PCDH11X: variants seen among roughly 807,000 people sequenced by gnomAD.
The protein encoded by PCDH11X is protocadherin-11 X-linked.
In PCDH11X, 18 loss-of-function variants were observed where a neutral mutation model predicts 53.3. That is an observed-to-expected ratio of 0.34 (90% CI 0.23 to 0.50). PCDH11X has a LOEUF of 0.50. Among genes scored for constraint, PCDH11X ranks in the 20% least tolerant of loss-of-function variants. PCDH11X has a pLI of 0.98. For synonymous variants in PCDH11X, 279 were observed against 393.3 expected (o/e 0.71, Z 3.44); for missense variants, 570 against 1,032.4 (o/e 0.55, Z 6.14).
chrX:92,436,973 T>TA (rs71815223), intron 9 of PCDH11X, among the ~76,000 whole-genome samples: 45 of 84,631 alleles, frequency 5.3e-4, no homozygotes, highest in South Asian at 1.8e-3. Flanking sequence ...AAATAAAAGG[T>TA]AAAAAAAAAA....
intron 6 of PCDH11X, among the ~76,000 whole-genome samples, chrX:91,946,840 G>A (rs1347278054): frequency 2.0e-5 from 2 of 100,442 alleles, no homozygotes; most frequent in African/African-American, 3.6e-5. Context: ...CATGCTTGCA[G>A]GTGTTCAAAT....
At chrX:91,863,388 A>G (rs1938794274) in intron 5 of PCDH11X, among the ~76,000 whole-genome samples, 1 of 111,283 alleles carries the variant, frequency 9.0e-6, no homozygotes, top group South Asian at 3.7e-4. Flanking sequence ...TTGTCTTGAA[A>G]TTTACTCTGT....
chrX:92,473,862 T>TAACA (rs1157814852), intron 10 of PCDH11X, among the ~76,000 whole-genome samples: 2 of 111,883 alleles, frequency 1.8e-5, no homozygotes, highest in Non-Finnish European at 3.8e-5. Context: ...TTTTTTGAAC[T>TAACA]AACATATGAC....
intron 10 of PCDH11X, among the ~76,000 whole-genome samples, chrX:92,500,646 T>A (rs1169830519): frequency 9.3e-6 from 1 of 107,720 alleles, no homozygotes. Flanking sequence ...TGAAATTAAG[T>A]CAGAAATCAA....
At chrX:92,113,905 T>C in intron 6 of PCDH11X, 1 of 1,201,849 alleles carries the variant, frequency 8.3e-7, no homozygotes, top group Non-Finnish European at 1.1e-6. Flanking sequence ...GCTTAACATT[T>C]CGTCAGCTTC....
chrX:91,963,295 C>T (rs928449221), intron 6 of PCDH11X, among the ~76,000 whole-genome samples: 2 of 111,209 alleles, frequency 1.8e-5, no homozygotes, highest in African/African-American at 6.6e-5. Context: ...ACCCACATCA[C>T]CTCTTGAATG....
At chrX:92,050,763 T>C (rs1300814718) in intron 6 of PCDH11X, among the ~76,000 whole-genome samples, 3 of 110,033 alleles carry the variant, frequency 2.7e-5, no homozygotes, top group African/African-American at 9.9e-5. Flanking sequence ...GAATAATACA[T>C]ATTTTTAATA....
chrX:92,466,416 A>G (rs2073158394), intron 9 of PCDH11X, among the ~76,000 whole-genome samples: 1 of 108,672 alleles, frequency 9.2e-6, no homozygotes, highest in Non-Finnish European at 1.9e-5. Context: ...CCTAATAATT[A>G]TAATGAATGC....
intron 6 of PCDH11X, among the ~76,000 whole-genome samples, chrX:91,976,478 A>G (rs752104769): frequency 1.8e-5 from 2 of 111,973 alleles, no homozygotes; most frequent in Admixed American, 1.9e-4. Context: ...ATTGAATGAT[A>G]GACTTTTTGT....
chrX:92,575,978 GTATATATATATATA>G (rs1173562560), intron 10 of PCDH11X, among the ~76,000 whole-genome samples: 12 of 18,440 alleles, frequency 6.5e-4, no homozygotes, highest in Middle Eastern at 0.053. Context: ...CACCTGGGGT[GTATATATATATATA>G]TATATATATA....
rs1382189463 is a variant in PCDH11X, at chrX:92,585,744, C to T, written c.3368-32520C>T. Among the ~76,000 whole-genome samples the T allele has an allele frequency of 2.4e-4, 27 of 110,768 alleles. 1 individual carries two copies. The highest frequency in any genetic ancestry group is 5.1e-4 in the Non-Finnish European group (27 of 52,990). ...GAACATTTTGCATCAAATGTGATAT[C>T]AAAGTTGAGTGCATTATTTCAATAA... On this transcript the variant is annotated intron_variant, in intron 10 of 10. Transcript: ENST00000682573.
intron 10 of PCDH11X, among the ~76,000 whole-genome samples, chrX:92,469,936 G>T (rs1168724784): frequency 9.3e-6 from 1 of 107,195 alleles, no homozygotes; most frequent in Non-Finnish European, 1.9e-5. Context: ...TTCAATTAAT[G>T]TGAAGAATGT....
At chrX:92,122,396 CATGA>C (rs1001611189) in intron 6 of PCDH11X, among the ~76,000 whole-genome samples, 11 of 111,462 alleles carry the variant, frequency 9.9e-5, no homozygotes, top group Non-Finnish European at 1.9e-4. Context: ...ATTATTGAGC[CATGA>C]ACTGGTTGGT....
intron 6 of PCDH11X, among the ~76,000 whole-genome samples, chrX:91,886,393 A>G (rs969901511): frequency 2.6e-4 from 29 of 110,895 alleles, no homozygotes; most frequent in Non-Finnish European, 5.1e-4. Flanking sequence ...GCTACAGTGT[A>G]CTGTATACTT....
At chrX:92,307,835 T>C (rs2068864577) in intron 8 of PCDH11X, among the ~76,000 whole-genome samples, 1 of 107,953 alleles carries the variant, frequency 9.3e-6, no homozygotes, top group East Asian at 2.9e-4. Context: ...GACATAAAAT[T>C]AACATAATTA....
intron 10 of PCDH11X, among the ~76,000 whole-genome samples, chrX:92,560,874 A>G (rs2075121501): frequency 9.2e-6 from 1 of 109,223 alleles, no homozygotes; most frequent in African/African-American, 3.4e-5. Context: ...CCTTAAGAAA[A>G]GCGTCTTGGG....
chrX:92,246,655 A>G (rs2067358064), intron 7 of PCDH11X, among the ~76,000 whole-genome samples: 1 of 111,825 alleles, frequency 8.9e-6, no homozygotes, highest in Non-Finnish European at 1.9e-5. Context: ...CCGACCTGAA[A>G]AGAGTTTTAC....
At chrX:92,359,152 T>A (rs1447806645) in intron 8 of PCDH11X, among the ~76,000 whole-genome samples, 1 of 105,697 alleles carries the variant, frequency 9.5e-6, no homozygotes, top group Non-Finnish European at 2.0e-5. Flanking sequence ...TTCAACTTGA[T>A]TAATTTGGGG....
At chrX:92,493,687 C>T (rs1482406957) in intron 10 of PCDH11X, among the ~76,000 whole-genome samples, 34 of 99,894 alleles carry the variant, frequency 3.4e-4, no homozygotes, top group African/African-American at 1.3e-3. Flanking sequence ...CACTCTGTCA[C>T]CCAGGCTGGA....
Sources: allele counts gnomAD v4.1 joint callset (sites outside exome capture counted in the v4.1 genomes callset), GRCh38; gene constraint gnomAD v4.1.1; transcripts MANE v1.5; gene names NCBI Gene and HGNC (gene_info 2026-07-23, HGNC 2026-07-21).